CCDC81: variants seen among roughly 807,000 people sequenced by gnomAD.
CCDC81 encodes coiled-coil domain-containing protein 81.
In CCDC81, 79 loss-of-function variants were observed where a neutral mutation model predicts 83.7. The observed-to-expected ratio is 0.94, with a 90% CI of 0.79 to 1.14. The LOEUF (loss-of-function observed/expected upper bound fraction) is 1.14, where lower values mean the gene tolerates loss of function less well. Ranked by LOEUF, CCDC81 falls within the 50% of genes most tolerant of loss-of-function variation. CCDC81 has a pLI of 0.00. For missense variants in CCDC81, 791 were observed against 778.1 expected (o/e 1.02, Z -0.20); for synonymous variants, 252 against 278.1 (o/e 0.91, Z 0.93).
intron 10 of CCDC81, among the ~76,000 whole-genome samples, chr11:86,411,399 C>T (rs1413582589): frequency 2.0e-5 from 3 of 152,216 alleles, no homozygotes; most frequent in Non-Finnish European, 4.4e-5. Flanking sequence ...GCTCTTTTCC[C>T]ACCCAGCCAC....
At chr11:86,402,711 C>A (rs942643390) in intron 7 of CCDC81, among the ~76,000 whole-genome samples, 1 of 152,156 alleles carries the variant, frequency 6.6e-6, no homozygotes, top group Admixed American at 6.5e-5. Flanking sequence ...AGCAAATTAT[C>A]CTCTCAGCAA....
At chr11:86,417,585 A>G (rs1445264191) in intron 13 of CCDC81, among the ~76,000 whole-genome samples, 1 of 152,082 alleles carries the variant, frequency 6.6e-6, no homozygotes, top group African/African-American at 2.4e-5. Flanking sequence ...ATAGATGTAT[A>G]ATAATTTAAC....
In CCDC81 at chr11:86,422,809, A is replaced by G; in HGVS notation, c.*94A>G. Reference sequence around the variant, plus strand: ...AAACTGCGTATTTTTACCTCAGAGAAAAAAATCATTGTTTAGGTTTGGTGC... The same window carrying G: ...AAACTGCGTATTTTTACCTCAGAGAGAAAAATCATTGTTTAGGTTTGGTGC... On this transcript the variant is annotated 3_prime_UTR_variant, in exon 15 of 15. Transcript: ENST00000445632. 1 of 1,266,746 alleles carries G rather than the reference A, an allele frequency of 7.9e-7. No individual in the cohort carries two copies. The highest frequency in any genetic ancestry group is 1.1e-6 in the Non-Finnish European group (1 of 910,696). The allele number at this position is 1,266,746 out of a possible 1,614,324, so 78.5% of individuals were successfully genotyped here. A position where few individuals can be genotyped will look rare whatever the true frequency, so the allele number is the denominator to read the frequency against.
intron 13 of CCDC81, among the ~76,000 whole-genome samples, chr11:86,418,803 T>C (rs551588867): frequency 2.0e-5 from 3 of 152,270 alleles, no homozygotes; most frequent in Non-Finnish European, 2.9e-5. Flanking sequence ...ATAACATGAA[T>C]GTATTTAACA....
intron 3 of CCDC81, among the ~76,000 whole-genome samples, 187 bp from the exon 4 acceptor site, chr11:86,392,354 T>C (rs1948342954): frequency 6.6e-6 from 1 of 152,228 alleles, no homozygotes. Context: ...ATTGTACTGA[T>C]TAATATGTTA....
chr11:86,375,985 T>C lies in CCDC81; in HGVS notation c.79+743T>C, dbSNP rs1002274396. On this transcript the variant is annotated intron_variant, in intron 1 of 14. Coordinates refer to ENST00000445632, the MANE Select transcript of CCDC81 (RefSeq NM_001156474.2). ...CTTCCCCTGCATCACTCCTATCTTT[T>C]CCTCTCAAATCATCCTGAAAGATGC... Among the ~76,000 whole-genome samples, 23 of 152,236 alleles carry C rather than the reference T, an allele frequency of 1.5e-4. 1 individual carries two copies. Among genetic ancestry groups the C allele is most frequent in the African/African-American group, 5.1e-4 (21 of 41,466 alleles).
At chr11:86,418,818 G>GT (rs1038041192) in intron 13 of CCDC81, among the ~76,000 whole-genome samples, 11 of 152,122 alleles carry the variant, frequency 7.2e-5, no homozygotes, top group African/African-American at 2.4e-4. Context: ...TTAACACTAA[G>GT]TAACTGTACA....
chr11:86,395,429 C>T lies in CCDC81; in HGVS notation c.635+16C>T, dbSNP rs778801750. The T allele has an allele frequency of 1.6e-5, 25 of 1,610,334 alleles. No individual in the cohort carries two copies. In the Admixed American group the frequency reaches 3.8e-4, roughly 25 times the overall value. On this transcript the variant is annotated intron_variant, in intron 5 of 14. Transcript: ENST00000445632. ...CGTTTCCAAGGTGAGTGCTTTGCTT[C>T]ACGGGTTCCTCTAGGCACTAGCACT...
intron 7 of CCDC81, among the ~76,000 whole-genome samples, chr11:86,401,560 A>G (rs960770782): frequency 8.5e-5 from 13 of 152,330 alleles, no homozygotes; most frequent in African/African-American, 3.1e-4. Flanking sequence ...GATAATTGAG[A>G]ATTAGATGTA....
intron 8 of CCDC81, 42 bp downstream of exon 8, chr11:86,407,743 A>AAGATT: frequency 6.9e-7 from 1 of 1,448,358 alleles, no homozygotes; most frequent in Non-Finnish European, 9.6e-7. Flanking sequence ...AGAATCTTAT[A>AAGATT]CTGATTTTTG....
chr11:86,393,707 A>G (rs1466414800), intron 4 of CCDC81, among the ~76,000 whole-genome samples: 1 of 152,234 alleles, frequency 6.6e-6, no homozygotes, highest in Non-Finnish European at 1.5e-5. Context: ...ATTGTCAACC[A>G]TTAAGTAGCT....
chr11:86,422,611 A>G lies in CCDC81; in HGVS notation c.1855A>G (p.Lys619Glu). 1 of 1,613,924 alleles carries G rather than the reference A, an allele frequency of 6.2e-7. No homozygotes were observed. ...DKLFLLDQCE[K>E]YRRCKQCQRR... ...GCTGTTTCTCCTAGACCAGTGTGAG[A>G]AGTATCGGCGCTGCAAGCAATGCCA... The change falls in exon 15 of 15, where the codon AAG becomes GAG. Residue 619 changes from lysine (K) to glutamate (E), a missense_variant. Lys to Glu is a moderately conservative substitution (Grantham distance 56). Coordinates refer to ENST00000445632, the MANE Select transcript of CCDC81 (RefSeq NM_001156474.2).
At chr11:86,384,152 T>G (rs1441858499) in intron 1 of CCDC81, among the ~76,000 whole-genome samples, 1 of 152,222 alleles carries the variant, frequency 6.6e-6, no homozygotes, top group Admixed American at 6.5e-5. Context: ...TTTAACAATT[T>G]TGACTTAATA....
chr11:86,390,576 G>A (rs1948314135), intron 3 of CCDC81, among the ~76,000 whole-genome samples: 1 of 152,192 alleles, frequency 6.6e-6, no homozygotes, highest in Non-Finnish European at 1.5e-5. Context: ...TTGGTAAAAT[G>A]CAGTAAAAGC....
chr11:86,418,304 T>G (rs1243771979), intron 13 of CCDC81, among the ~76,000 whole-genome samples: 1 of 152,138 alleles, frequency 6.6e-6, no homozygotes, highest in African/African-American at 2.4e-5. Context: ...TGGTGGTTCC[T>G]CAAAAAATTA....
intron 7 of CCDC81, among the ~76,000 whole-genome samples, chr11:86,401,913 G>A (rs1383896888): frequency 6.6e-6 from 1 of 151,984 alleles, no homozygotes; most frequent in Non-Finnish European, 1.5e-5. Context: ...GAGGCAGGCG[G>A]ATCACGAGGT....
At chr11:86,400,871 G>A in intron 7 of CCDC81, 70 bp downstream of exon 7, 1 of 1,434,552 alleles carries the variant, frequency 7.0e-7, no homozygotes, top group South Asian at 1.4e-5. Flanking sequence ...CTTGATGCGG[G>A]GAACTGTAAT....
At chr11:86,421,850 C>T (rs1056708151) in intron 14 of CCDC81, among the ~76,000 whole-genome samples, 1 of 149,360 alleles carries the variant, frequency 6.7e-6, no homozygotes, top group African/African-American at 2.5e-5. Context: ...CCCAGGAAGT[C>T]GAGGCTGCAG....
chr11:86,416,933 T>C (rs898904857), intron 13 of CCDC81, among the ~76,000 whole-genome samples: 3 of 152,126 alleles, frequency 2.0e-5, no homozygotes, highest in Non-Finnish European at 4.4e-5. Context: ...TAACAATTCA[T>C]GCTCATTAAA....
Sources: gnomAD v4.1 joint callset for allele counts (sites outside exome capture counted in the v4.1 genomes callset) on GRCh38, gnomAD v4.1.1 for gene constraint, MANE v1.5 for transcripts, NCBI Gene and HGNC (gene_info 2026-07-23, HGNC 2026-07-21) for gene names.